Variants in LPIN1 observed in about 807,000 individuals in gnomAD.
LPIN1 encodes phosphatidate phosphatase LPIN1.
LPIN1 carries 71 observed loss-of-function variants against 107.5 expected under a neutral mutation model. That is an observed-to-expected ratio of 0.66 (90% confidence interval 0.55 to 0.80). LPIN1 has a LOEUF of 0.80. Among genes scored for constraint, LPIN1 ranks in the 30% least tolerant of loss-of-function variants. The pLI is 0.00. For synonymous variants in LPIN1, 445 were observed against 452.6 expected (o/e 0.98, Z 0.21); for missense variants, 1,043 against 1,160.6 (o/e 0.90, Z 1.47).
intron 1 of LPIN1, among the ~76,000 whole-genome samples, chr2:11,710,073 AT>A (rs776139171): frequency 3.9e-5 from 6 of 152,124 alleles, no homozygotes; most frequent in Non-Finnish European, 8.8e-5. Flanking sequence ...TTTCAAGTAC[AT>A]TTTCCATCTG....
intron 17 of LPIN1, among the ~76,000 whole-genome samples, chr2:11,812,516 C>CT (rs1372644347): frequency 6.6e-6 from 1 of 152,108 alleles, no homozygotes; most frequent in African/African-American, 2.4e-5. Context: ...AGGGTACAAG[C>CT]AGTCCCTGCA....
intron 2 of LPIN1, 39 bp from the exon 3 acceptor site, chr2:11,767,719 GGTGAA>G (rs747518913): frequency 3.1e-6 from 4 of 1,292,836 alleles, no homozygotes; most frequent in Non-Finnish European, 4.5e-6. Context: ...CTCCTGTCCT[GGTGAA>G]GGCAGTTCAT....
chr2:11,691,535 G>A (rs1001230738), intron 1 of LPIN1, among the ~76,000 whole-genome samples: 1 of 152,172 alleles, frequency 6.6e-6, no homozygotes, highest in African/African-American at 2.4e-5. Flanking sequence ...TGCCGGGCCT[G>A]TGGCTTCAGC....
At chr2:11,718,733 G>A (rs1663916912) in intron 2 of LPIN1, among the ~76,000 whole-genome samples, 1 of 152,156 alleles carries the variant, frequency 6.6e-6, no homozygotes, top group African/African-American at 2.4e-5. Flanking sequence ...GAAGCTTTTA[G>A]GATCTTCTGC....
Position 11,815,034 on chromosome 2 carries a change from C to T in LPIN1, c.2250-54C>T, listed in dbSNP as rs919213322. On this transcript the variant is annotated intron_variant, in intron 17 of 20. Coordinates refer to ENST00000674199, the MANE Select transcript of LPIN1 (RefSeq NM_001349206.2). ...AGATATGGATCAGGATTTATGAATG[C>T]AGAAAGGTTCCATTTTCTGATGCCA... 24 of 1,535,964 alleles carry T rather than the reference C, an allele frequency of 1.6e-5. No homozygotes were observed. The African/African-American group carries it at 1.6e-4, about 10-fold the overall frequency.
At chr2:11,684,988 A>G (rs966888619) in intron 1 of LPIN1, among the ~76,000 whole-genome samples, 2 of 152,226 alleles carry the variant, frequency 1.3e-5, no homozygotes, top group Non-Finnish European at 2.9e-5. Context: ...GGGGGAGAAA[A>G]GAATAAGCAA....
intron 6 of LPIN1, 38 bp from the exon 7 acceptor site, chr2:11,779,480 CT>C: frequency 3.7e-6 from 6 of 1,610,066 alleles, no homozygotes; most frequent in Non-Finnish European, 5.1e-6. Flanking sequence ...ACAAAAGTTT[CT>C]TTTCCCACCT....
chr2:11,805,855 A>G (rs1678579476), intron 17 of LPIN1, among the ~76,000 whole-genome samples: 1 of 152,218 alleles, frequency 6.6e-6, no homozygotes, highest in Admixed American at 6.5e-5. Flanking sequence ...GTCTGCCTCC[A>G]GGGTTCAGAG....
chr2:11,701,866 C>T (rs1406610702), intron 1 of LPIN1, among the ~76,000 whole-genome samples: 1 of 152,166 alleles, frequency 6.6e-6, no homozygotes, highest in Non-Finnish European at 1.5e-5. Flanking sequence ...TTCCTACTGG[C>T]TGAGTGTCTG....
chr2:11,776,134 C>T lies in LPIN1; in HGVS notation c.771C>T (p.Ala257=), dbSNP rs1304299297. The T allele has an allele frequency of 1.5e-5, 23 of 1,548,384 alleles. No individual in the cohort carries two copies. The highest frequency in any genetic ancestry group is 4.8e-5 in the South Asian group (4 of 83,932). Residue 257 remains alanine (A), a synonymous_variant, in exon 6 of 21, where the codon GCC becomes GCT. Transcript: ENST00000674199. ...KRTAPHLAVA[A]EGGLSSSCPP... ...CTGCCCCTCATCTTGCAGTTGCGGC[C>T]GAGGGAGGTCTGTCTAGTTCTTGCC...
chr2:11,788,935 G>T (rs1367967787), intron 12 of LPIN1, among the ~76,000 whole-genome samples: 2 of 152,218 alleles, frequency 1.3e-5, no homozygotes, highest in African/African-American at 4.8e-5. Context: ...GGCCTGGACA[G>T]CTCCCAGTCT....
At chr2:11,711,418 C>G (rs1044544604) in intron 1 of LPIN1, among the ~76,000 whole-genome samples, 3 of 152,182 alleles carry the variant, frequency 2.0e-5, no homozygotes, top group Non-Finnish European at 4.4e-5. Flanking sequence ...CAGCAAGGAT[C>G]CAGATTGGAT....
At chr2:11,797,563 T>C (rs911650798) in intron 14 of LPIN1, among the ~76,000 whole-genome samples, 1 of 152,234 alleles carries the variant, frequency 6.6e-6, no homozygotes, top group Non-Finnish European at 1.5e-5. Context: ...GGAGATCATT[T>C]TGGAACTTTT....
chr2:11,741,069 C>T (rs1261089531), intron 1 of LPIN1: 3 of 268,488 alleles, frequency 1.1e-5, no homozygotes, highest in East Asian at 6.7e-5. Flanking sequence ...CCTCAAGCCA[C>T]GGAGAAGACA....
At position 11,820,525 on chromosome 2, in the gene LPIN1, T is replaced by G. The variant is rs1279256225; in HGVS notation, c.2621+11T>G. On this transcript the variant is annotated intron_variant, in intron 20 of 20. Coordinates refer to ENST00000674199, the MANE Select transcript of LPIN1 (RefSeq NM_001349206.2). ...GACCAACATCTCTTCGTGAGTATTGTACACATTTTATGTGATTATGATATC... is the reference window on the plus strand; with the variant it reads ...GACCAACATCTCTTCGTGAGTATTGGACACATTTTATGTGATTATGATATC... 3.8e-6 allele frequency: 6 copies of G among 1,573,334 alleles called. No homozygotes were observed. The highest frequency in any genetic ancestry group is 3.3e-5 in the Admixed American group (2 of 59,974).
chr2:11,771,499 TG>T lies in LPIN1; in HGVS notation c.417del (p.Ile140SerfsTer12). On this transcript the variant is annotated frameshift_variant, in exon 4 of 21. Coordinates refer to ENST00000674199, the MANE Select transcript of LPIN1 (RefSeq NM_001349206.2). LOFTEE classifies it high-confidence loss of function. This position sits in a 1 kb window ranked among gnomAD's most constrained non-coding sequence, Gnocchi z 4.8. The part of the protein sequence containing the change: ...RGLDPSTPAQ[V>X]IAPSETPSSS... ...CTGGACCCCAGCACGCCAGCCCAAG[TG>T]ATCGCTCCCAGCGAGACGCCGTCAA... 6.2e-7 allele frequency: 1 copy of T among 1,614,178 alleles called. No homozygotes were observed. The highest frequency in any genetic ancestry group is 8.5e-7 in the Non-Finnish European group (1 of 1,180,028).
chr2:11,689,143 T>A (rs987613238), intron 1 of LPIN1, among the ~76,000 whole-genome samples: 1 of 152,242 alleles, frequency 6.6e-6, no homozygotes, highest in Admixed American at 6.5e-5. Context: ...GAGTGCTCTC[T>A]CTCCATGCCA....
At chr2:11,678,902 G>A (rs962419116) in intron 1 of LPIN1, among the ~76,000 whole-genome samples, 7 of 152,228 alleles carry the variant, frequency 4.6e-5, no homozygotes, top group African/African-American at 1.4e-4. Flanking sequence ...TCTCTCGGGA[G>A]CCCCGTGCAG....
intron 17 of LPIN1, among the ~76,000 whole-genome samples, chr2:11,813,814 T>C (rs1680098086): frequency 6.6e-6 from 1 of 152,024 alleles, no homozygotes; most frequent in African/African-American, 2.4e-5. Flanking sequence ...CTTGGGAGGC[T>C]GAGGCAGGAG....
Sources: gnomAD v4.1 joint callset for allele counts (sites outside exome capture counted in the v4.1 genomes callset) on GRCh38, gnomAD v4.1.1 for gene constraint, Gnocchi (gnomAD v3.1) non-coding constraint, MANE v1.5 for transcripts, NCBI Gene and HGNC (gene_info 2026-07-23, HGNC 2026-07-21) for gene names.